The following PTPRG variants were observed in gnomAD, a reference collection of about 807,000 sequenced individuals.
PTPRG encodes the protein receptor-type tyrosine-protein phosphatase gamma.
In PTPRG, 102 loss-of-function variants were observed where a neutral mutation model predicts 165.3. The observed-to-expected ratio is 0.62, with a 90% confidence interval of 0.53 to 0.73. The LOEUF is 0.73. PTPRG is among the 30% of genes least tolerant of loss of function. The pLI, the probability that PTPRG is intolerant of heterozygous loss-of-function variation, is 0.00. For synonymous variants in PTPRG, 675 were observed against 669.5 expected, an observed-to-expected ratio of 1.01 and a Z score of -0.13; for missense variants, 1,866 against 1,861.4, an observed-to-expected ratio of 1.00 and a Z score of -0.05.
intron 2 of PTPRG, among the ~76,000 whole-genome samples, chr3:61,936,299 A>C (rs1038520387): frequency 6.6e-6 from 1 of 152,232 alleles, no homozygotes; most frequent in African/African-American, 2.4e-5. Flanking sequence ...TACTAGTTCT[A>C]TCCTCTTTAA....
chr3:61,591,046 A>G (rs1265373402), intron 1 of PTPRG, among the ~76,000 whole-genome samples: 2 of 152,212 alleles, frequency 1.3e-5, no homozygotes, highest in African/African-American at 4.8e-5. Flanking sequence ...TGGGAAGTGG[A>G]GTGAAACCTC....
intron 12 of PTPRG, among the ~76,000 whole-genome samples, chr3:62,215,553 C>T (rs370247412): frequency 7.0e-6 from 1 of 142,170 alleles, no homozygotes; most frequent in Non-Finnish European, 1.6e-5. Context: ...GGAACCCCCC[C>T]CCCCCGCCAA....
At chr3:61,633,338 T>TA (rs147683831) in intron 1 of PTPRG, among the ~76,000 whole-genome samples, 2,326 of 152,290 alleles carry the variant, frequency 0.015, 58 homozygotes, top group African/African-American at 0.051. Context: ...AAGGAACCTG[T>TA]AGTAGCTTAG....
At chr3:62,126,344 G>A (rs1044109288) in intron 5 of PTPRG, among the ~76,000 whole-genome samples, 6 of 152,174 alleles carry the variant, frequency 3.9e-5, no homozygotes, top group Non-Finnish European at 8.8e-5. Context: ...CAATTCTCTG[G>A]AGATGAATAA....
At chr3:61,686,617 G>A (rs1263964421) in intron 1 of PTPRG, among the ~76,000 whole-genome samples, 2 of 152,174 alleles carry the variant, frequency 1.3e-5, no homozygotes, top group African/African-American at 2.4e-5. Context: ...ATCAGTGTTT[G>A]GATTTTGAAA....
chr3:61,986,701 A>T (rs979449525), intron 2 of PTPRG, among the ~76,000 whole-genome samples: 16 of 152,094 alleles, frequency 1.1e-4, no homozygotes. Context: ...TACTAGATTG[A>T]CGTGTTGGAG....
chr3:61,610,999 G>A (rs2106872774), intron 1 of PTPRG, among the ~76,000 whole-genome samples: 1 of 152,206 alleles, frequency 6.6e-6, no homozygotes, highest in African/African-American at 2.4e-5. Context: ...TAGTAGAGAT[G>A]GAGCTTTGCC....
intron 2 of PTPRG, among the ~76,000 whole-genome samples, chr3:61,784,324 A>G (rs1575661141): frequency 6.6e-6 from 1 of 152,196 alleles, no homozygotes; most frequent in Non-Finnish European, 1.5e-5. Flanking sequence ...AGCAGCCGTC[A>G]TTTAACTAAT....
At chr3:61,846,223 T>G (rs2036802223) in intron 2 of PTPRG, among the ~76,000 whole-genome samples, 1 of 152,224 alleles carries the variant, frequency 6.6e-6, no homozygotes, top group South Asian at 2.1e-4. Context: ...AAAGAGACAA[T>G]TATTGTTACA....
At chr3:61,780,044 C>T (rs1412060029) in intron 2 of PTPRG, among the ~76,000 whole-genome samples, 1 of 152,172 alleles carries the variant, frequency 6.6e-6, no homozygotes, top group African/African-American at 2.4e-5. Context: ...CTGGGAAAGC[C>T]AGACTAAGAC....
At chr3:61,723,024 C>T (rs756669005) in intron 1 of PTPRG, among the ~76,000 whole-genome samples, 36 of 151,676 alleles carry the variant, frequency 2.4e-4, no homozygotes, top group Non-Finnish European at 1.0e-4. Context: ...GGTTTTGTGA[C>T]CCAACCCTAG....
intron 4 of PTPRG, among the ~76,000 whole-genome samples, chr3:62,025,130 A>T (rs931609083): frequency 2.6e-5 from 4 of 152,188 alleles, no homozygotes; most frequent in African/African-American, 9.7e-5. Context: ...AGACACTGCA[A>T]CAGGGAGTGG....
At chr3:62,095,470 G>T (rs1702080053) in intron 5 of PTPRG, among the ~76,000 whole-genome samples, 1 of 152,182 alleles carries the variant, frequency 6.6e-6, no homozygotes, top group South Asian at 2.1e-4. Context: ...GTCTCAGCCT[G>T]TCTAGCTTAT....
At chr3:62,209,416 T>C (rs139327486) in intron 12 of PTPRG, among the ~76,000 whole-genome samples, 306 of 152,274 alleles carry the variant, frequency 2.0e-3, no homozygotes, top group African/African-American at 7.0e-3. Context: ...TGAGGACAAA[T>C]AGAGTAGTAA....
intron 6 of PTPRG, among the ~76,000 whole-genome samples, chr3:62,140,824 G>A (rs1042227528): frequency 1.4e-5 from 2 of 145,932 alleles, no homozygotes; most frequent in Non-Finnish European, 3.0e-5. Flanking sequence ...TCCAGCTTGG[G>A]TGACAGAGTG....
intron 2 of PTPRG, among the ~76,000 whole-genome samples, chr3:61,943,395 A>T (rs2039681416): frequency 6.6e-6 from 1 of 152,210 alleles, no homozygotes; most frequent in Non-Finnish European, 1.5e-5. Flanking sequence ...GTTCGAGACC[A>T]GCCTGGCCAA....
intron 2 of PTPRG, among the ~76,000 whole-genome samples, chr3:61,836,744 T>TG (rs1181846354): frequency 4.5e-3 from 8 of 1,796 alleles, no homozygotes; most frequent in Non-Finnish European, 6.8e-3. Context: ...TTGTTTTTTG[T>TG]TTTTTTATTT....
At chr3:61,579,413 C>G (rs2366216) in intron 1 of PTPRG, among the ~76,000 whole-genome samples, 121,550 of 152,190 alleles carry the variant, frequency 0.8, 49,508 homozygotes, top group African/African-American at 0.95. Flanking sequence ...TATTCCGACA[C>G]GTGTTTTTTA....
intron 2 of PTPRG, among the ~76,000 whole-genome samples, chr3:61,953,951 A>G (rs902722481): frequency 1.3e-5 from 2 of 152,252 alleles, no homozygotes; most frequent in African/African-American, 4.8e-5. Context: ...TTAAGGATAC[A>G]TCTACTTCCT....
Sources: gnomAD v4.1 joint callset for allele counts (sites outside exome capture counted in the v4.1 genomes callset) on GRCh38, gnomAD v4.1.1 for gene constraint, MANE v1.5 for transcripts, NCBI Gene and HGNC (gene_info 2026-07-23, HGNC 2026-07-21) for gene names.